The following SLCO4C1 variants were observed in gnomAD, a reference collection of about 807,000 sequenced individuals.
The protein encoded by SLCO4C1 is organic anion transporter M1.
A neutral mutation model predicts 72.1 loss-of-function variants in SLCO4C1; 58 were observed. The ratio of observed to expected loss-of-function variants is 0.80; its 90% CI spans 0.65 to 1.00. The LOEUF is 1.00. SLCO4C1 is among the 50% of genes least tolerant of loss of function. SLCO4C1 has a pLI of 0.00. For synonymous variants in SLCO4C1, 297 were observed against 312.5 expected, an observed-to-expected ratio of 0.95 and a Z score of 0.52; for missense variants, 898 against 857.9, an observed-to-expected ratio of 1.05 and a Z score of -0.58.
chr5:102,292,926 A>G (rs940047070), intron 1 of SLCO4C1, among the ~76,000 whole-genome samples: 2 of 151,992 alleles, frequency 1.3e-5, no homozygotes. Context: ...AATAAAAAAC[A>G]TCTGATTGAA....
At chr5:102,286,899 ATATTT>A (rs1749462846) in intron 2 of SLCO4C1, among the ~76,000 whole-genome samples, 1 of 152,074 alleles carries the variant, frequency 6.6e-6, no homozygotes, top group Non-Finnish European at 1.5e-5. Flanking sequence ...CATGTTTATC[ATATTT>A]TATGTTTTTT....
At chr5:102,239,221 C>T in intron 12 of SLCO4C1, 30 bp downstream of exon 12, 2 of 1,513,038 alleles carry the variant, frequency 1.3e-6, no homozygotes, top group Non-Finnish European at 8.8e-7. Context: ...CCTTAGTTTA[C>T]TCTAAAATTA....
rs902714841 is a variant in SLCO4C1, at chr5:102,290,310, C to T, written c.619+1033G>A. On this transcript the variant is annotated intron_variant, in intron 2 of 12. Transcript: ENST00000310954. ...AAGGGATTCTTCTGCCTCAGTCTTC[C>T]GAAATGATTTTAGGCGTGAGCCCCC... Among the ~76,000 whole-genome samples the T allele has an allele frequency of 4.6e-5, 7 of 152,166 alleles. No homozygotes were observed. In the East Asian group the frequency reaches 5.8e-4, roughly 13 times the overall value.
chr5:102,281,916 G>A (rs1417768986), intron 2 of SLCO4C1, among the ~76,000 whole-genome samples: 1 of 151,988 alleles, frequency 6.6e-6, no homozygotes, highest in Non-Finnish European at 1.5e-5. Flanking sequence ...ATCTATTCCA[G>A]AAAAATGAAA....
chr5:102,268,912 G>A (rs1749096680), intron 3 of SLCO4C1, among the ~76,000 whole-genome samples: 2 of 152,166 alleles, frequency 1.3e-5, no homozygotes, highest in South Asian at 4.1e-4. Flanking sequence ...CTGAAGAATA[G>A]CTTTGCTGGA....
At chr5:102,271,448 G>A (rs1223377702) in intron 2 of SLCO4C1, among the ~76,000 whole-genome samples, 2 of 151,340 alleles carry the variant, frequency 1.3e-5, no homozygotes, top group Non-Finnish European at 1.5e-5. Context: ...TATAGGACAG[G>A]TTACAAAGAG....
Position 102,249,623 on chromosome 5 carries a change from G to A in SLCO4C1, c.1620+15C>T. On this transcript the variant is annotated intron_variant, in intron 9 of 12. Transcript: ENST00000310954. ...ATATTGCCTCATTAAGGGAAAAGTA[G>A]GAGACATAAGCTACCTTTGGCTTCC... is the stretch of plus-strand genomic sequence containing the variant. 2 of 1,613,238 alleles carry A rather than the reference G, an allele frequency of 1.2e-6. No homozygotes were observed. Among genetic ancestry groups the A allele is most frequent in the Non-Finnish European group, 1.7e-6 (2 of 1,179,662 alleles).
intron 12 of SLCO4C1, 49 bp downstream of exon 12, chr5:102,239,202 T>C: frequency 6.8e-7 from 1 of 1,476,784 alleles, no homozygotes; most frequent in Non-Finnish European, 9.0e-7. Context: ...GATTTTTTTT[T>C]TTTTACATCC....
In SLCO4C1 at chr5:102,236,581, C is replaced by A. The variant is rs199955198; in HGVS notation, c.*277G>T. ...AATAGGAAATAAGTGTGTATGTGTG[C>A]GTGTGTGTGTGTGTGTGTGTGTTCG... On this transcript the variant is annotated 3_prime_UTR_variant, in exon 13 of 13. Transcript: ENST00000310954. 6.1e-5 allele frequency: 16 copies of A among 261,646 alleles called. No homozygotes were observed. Among genetic ancestry groups the A allele is most frequent in the Non-Finnish European group, 6.4e-5 (9 of 140,466 alleles). The allele number at this position is 261,646 out of a possible 1,614,324, so 16.2% of individuals were successfully genotyped here.
chr5:102,239,181 AC>A (rs1336303560), intron 12 of SLCO4C1, 69 bp downstream of exon 12: 2 of 1,393,760 alleles, frequency 1.4e-6, no homozygotes, highest in East Asian at 4.9e-5. Context: ...ACCCTAAGTA[AC>A]CAACAATGAG....
At chr5:102,237,671 C>A (rs777677795) in intron 12 of SLCO4C1, among the ~76,000 whole-genome samples, 2 of 151,944 alleles carry the variant, frequency 1.3e-5, no homozygotes, top group African/African-American at 2.4e-5. Context: ...TGCAAGCAAC[C>A]AAAAGTCAAT....
chr5:102,263,241 A>G (rs1342078078), intron 4 of SLCO4C1, among the ~76,000 whole-genome samples: 1 of 152,166 alleles, frequency 6.6e-6, no homozygotes, highest in African/African-American at 2.4e-5. Context: ...TTTCATTGTC[A>G]TCATTGTTAA....
intron 3 of SLCO4C1, among the ~76,000 whole-genome samples, chr5:102,270,405 G>C (rs953384586): frequency 2.0e-5 from 3 of 152,078 alleles, no homozygotes; most frequent in Non-Finnish European, 2.9e-5. Flanking sequence ...GGCATGCCTA[G>C]AGCAAGAAAT....
chr5:102,274,754 C>T (rs978485053), intron 2 of SLCO4C1, among the ~76,000 whole-genome samples: 3 of 152,186 alleles, frequency 2.0e-5, no homozygotes, highest in Non-Finnish European at 4.4e-5. Context: ...AACACCATCT[C>T]TCTTTCTCCT....
chr5:102,249,896 C>A, intron 8 of SLCO4C1, 108 bp from the exon 9 acceptor site: 1 of 1,076,324 alleles, frequency 9.3e-7, no homozygotes, highest in Non-Finnish European at 1.3e-6. Flanking sequence ...ACTCACTCAA[C>A]ACATAATTAC....
At chr5:102,242,851 C>T (rs935120671) in intron 10 of SLCO4C1, among the ~76,000 whole-genome samples, 6 of 152,120 alleles carry the variant, frequency 3.9e-5, no homozygotes, top group Admixed American at 1.3e-4. Context: ...CTTTGTCTTA[C>T]GCTTTAGGTA....
intron 2 of SLCO4C1, among the ~76,000 whole-genome samples, chr5:102,272,148 T>C (rs1310733127): frequency 6.6e-6 from 1 of 152,150 alleles, no homozygotes; most frequent in African/African-American, 2.4e-5. Context: ...AATTCATATG[T>C]AATATCTTTT....
intron 2 of SLCO4C1, among the ~76,000 whole-genome samples, chr5:102,280,434 A>C (rs1749334103): frequency 6.6e-6 from 1 of 151,622 alleles, no homozygotes; most frequent in Non-Finnish European, 1.5e-5. Flanking sequence ...TAAAAATATA[A>C]AATACTGATG....
chr5:102,268,176 G>C (rs1480008273), intron 3 of SLCO4C1, among the ~76,000 whole-genome samples: 1 of 152,076 alleles, frequency 6.6e-6, no homozygotes, highest in Non-Finnish European at 1.5e-5. Context: ...CCCAGTGCTG[G>C]AAGTGGGGCA....
Sources: gnomAD v4.1 joint callset for allele counts (sites outside exome capture counted in the v4.1 genomes callset) on GRCh38, gnomAD v4.1.1 for gene constraint, MANE v1.5 for transcripts, NCBI Gene and HGNC (gene_info 2026-07-23, HGNC 2026-07-21) for gene names.